Variants in ATM observed in about 807,000 individuals in gnomAD.
ATM encodes serine-protein kinase ATM.
A neutral mutation model predicts 387.0 loss-of-function variants in ATM; 308 were observed. The observed-to-expected ratio is 0.80, with a 90% confidence interval of 0.73 to 0.87. The LOEUF (loss-of-function observed/expected upper bound fraction) is 0.87, where lower values mean the gene tolerates loss of function less well. ATM is among the 40% of genes least tolerant of loss of function. The pLI, the probability that ATM is intolerant of heterozygous loss-of-function variation, is 0.00. For synonymous variants in ATM, 1,156 were observed against 1,187.3 expected (o/e 0.97, Z 0.54); for missense variants, 3,312 against 3,560.9 (o/e 0.93, Z 1.78).
At position 108,284,312 on chromosome 11, in the gene ATM, G is replaced by A. The variant is rs730881365; in HGVS notation, c.3832G>A (p.Asp1278Asn). Residue 1278 changes from aspartate (D) to asparagine (N), a missense_variant, in exon 26 of 63, where the codon GAC (aspartate) becomes AAC (asparagine). Asp to Asn is a conservative substitution (Grantham distance 23, BLOSUM62 1). This residue lies in a region of ATM where 1,791 missense variants were observed against 1,804.5 expected (regional missense o/e 0.99). Coordinates refer to ENST00000675843, the MANE Select transcript of ATM (RefSeq NM_000051.4). ...GTCCATTGCTAATCAGATTCAAGAG[G>A]ACTGGAAAAGTCTTCTAACAGACTG... ...VKSIANQIQE[D>N]WKSLLTDCFP... 7 of 1,613,790 alleles carry A rather than the reference G, an allele frequency of 4.3e-6. No individual in the cohort carries two copies. Among genetic ancestry groups the A allele is most frequent in the African/African-American group, 1.3e-5 (1 of 74,908 alleles).
At chr11:108,310,472 A>G (rs983329024) in intron 39 of ATM, among the ~76,000 whole-genome samples, 157 bp downstream of exon 39, 3 of 152,196 alleles carry the variant, frequency 2.0e-5, no homozygotes, top group Non-Finnish European at 2.9e-5. Flanking sequence ...ATTTTTAAAA[A>G]GGAATATGTA....
At chr11:108,308,108 ATATT>A in intron 38 of ATM, 124 bp downstream of exon 38, 1 of 926,870 alleles carries the variant, frequency 1.1e-6, no homozygotes, top group Non-Finnish European at 1.7e-6. Context: ...AATTTGTGTG[ATATT>A]TATATCTCCT....
At chr11:108,300,620 G>T (rs544307559) in intron 34 of ATM, among the ~76,000 whole-genome samples, 89 of 152,034 alleles carry the variant, frequency 5.9e-4, no homozygotes, top group Non-Finnish European at 1.2e-3. Context: ...ATGTCTAACT[G>T]CCATGTTTCC....
At chr11:108,284,103 A>C in intron 25 of ATM, 124 bp from the exon 26 acceptor site, 1 of 711,674 alleles carries the variant, frequency 1.4e-6, no homozygotes, top group Non-Finnish European at 2.2e-6. Context: ...AGAATGTTTA[A>C]TAATCTGGAT....
intron 57 of ATM, among the ~76,000 whole-genome samples, chr11:108,344,344 G>A (rs1301467398): frequency 6.6e-6 from 1 of 152,090 alleles, no homozygotes; most frequent in Non-Finnish European, 1.5e-5. Context: ...CAGGCAGAAG[G>A]AGCATATAAG....
rs1060504269 is a variant in ATM, at chr11:108,251,969, C to G, written c.1740C>G (p.Leu580=). 1 of 1,613,794 alleles carries G rather than the reference C, an allele frequency of 6.2e-7. No homozygotes were observed. The highest frequency in any genetic ancestry group is 1.1e-5 in the South Asian group (1 of 91,072). Residue 580 remains leucine (L), a synonymous_variant, in exon 11 of 63, where the codon CTC becomes CTG. Coordinates refer to ENST00000675843, the MANE Select transcript of ATM (RefSeq NM_000051.4). ...FSLKESIMKW[L]LFYQLEGDLE... is the part of the protein sequence containing the mutation. Reference sequence around the variant, plus strand: ...TAAAGGAATCAATAATGAAATGGCTCTTATTCTATCAGTTAGAGGGTGACT... The same window carrying G: ...TAAAGGAATCAATAATGAAATGGCTGTTATTCTATCAGTTAGAGGGTGACT...
chr11:108,289,016 G>C lies in ATM; in HGVS notation c.4149G>C (p.Ser1383=). 1 of 1,613,286 alleles carries C rather than the reference G, an allele frequency of 6.2e-7. No homozygotes were observed. The highest frequency in any genetic ancestry group is 1.1e-5 in the South Asian group (1 of 91,062). ...DPAPNPPHFP[S]HVIKATFAYI... ...CTCCTAATCCACCTCATTTTCCATCGCATGTGATTAAAGCAACATTTGCCT... is the reference window on the plus strand; with the variant it reads ...CTCCTAATCCACCTCATTTTCCATCCCATGTGATTAAAGCAACATTTGCCT... The change falls in exon 28 of 63, where the codon TCG becomes TCC. Residue 1383 remains serine, a synonymous_variant. Coordinates refer to ENST00000675843, the MANE Select transcript of ATM (RefSeq NM_000051.4).
Position 108,311,472 on chromosome 11 carries a change from G to A in ATM, c.5919-939G>A, listed in dbSNP as rs572707053. 1.5e-4 allele frequency among the ~76,000 whole-genome samples: 23 copies of A among 152,244 alleles called. No homozygotes were observed. The East Asian group carries it at 4.1e-3, about 27-fold the overall frequency. On this transcript the variant is annotated intron_variant, in intron 39 of 62. Coordinates refer to ENST00000675843, the MANE Select transcript of ATM (RefSeq NM_000051.4). ...GCACTTTGGGAGGCCAAAGTGAGAG[G>A]ATTACTTGTGACCAGGAGACTGAGA... is the stretch of plus-strand genomic sequence containing the variant.
chr11:108,330,196 T>G lies in ATM; in HGVS notation c.7308-18T>G, dbSNP rs1473587970. 3 of 1,610,194 alleles carry G rather than the reference T, an allele frequency of 1.9e-6. No homozygotes were observed. The highest frequency in any genetic ancestry group is 1.7e-4 in the Middle Eastern group (1 of 6,058). On this transcript the variant is annotated intron_variant, in intron 49 of 62. Coordinates refer to ENST00000675843, the MANE Select transcript of ATM (RefSeq NM_000051.4). ...AAGTTCATGGCTTTTGTGTTTTACC[T>G]TAATTATTCTATGCAAGATACACAG... is the stretch of plus-strand genomic sequence containing the variant.
rs864622475 is a variant in ATM, at chr11:108,244,119, GTAATC to G, written c.662+8_662+12del. 6.8e-6 allele frequency: 11 copies of G among 1,613,404 alleles called. No individual in the cohort carries two copies. Among genetic ancestry groups the G allele is most frequent in the Admixed American group, 1.7e-5 (1 of 59,952 alleles). Reference sequence around the variant, plus strand: ...TTTCCAAGGCTATTCAGTGTGCGAGGTAATCTAATCTCTTTTTCTTTTGTTTTGTA... The same window carrying G: ...TTTCCAAGGCTATTCAGTGTGCGAGGTAATCTCTTTTTCTTTTGTTTTGTA... On this transcript the variant is annotated splice_donor_variant and splice_donor_5th_base_variant and intron_variant, in intron 6 of 62. Coordinates refer to ENST00000675843, the MANE Select transcript of ATM (RefSeq NM_000051.4). LOFTEE classifies it high-confidence loss of function.
rs1057521029 is a variant in ATM, at chr11:108,365,165, T to G, written c.8934T>G (p.Thr2978=). The change falls in exon 62 of 63, where the codon ACT becomes ACG. Residue 2978 remains threonine (T), a synonymous_variant. Transcript: ENST00000675843. Reference sequence around the variant, plus strand: ...TACAGCAGAGGCCGGAAGATGAAACTGAGCTTCACCCTACTCTGAATGCAG... The same window carrying G: ...TACAGCAGAGGCCGGAAGATGAAACGGAGCTTCACCCTACTCTGAATGCAG... ...LYLQQRPEDE[T]ELHPTLNADD... is the part of the protein sequence containing the mutation. 9 of 1,614,256 alleles carry G rather than the reference T, an allele frequency of 5.6e-6. No homozygotes were observed. The highest frequency in any genetic ancestry group is 7.6e-6 in the Non-Finnish European group (9 of 1,180,040).
At chr11:108,223,624 G>T (rs534021623) in intron 1 of ATM, 1 of 152,230 alleles carries the variant, frequency 6.6e-6, no homozygotes, top group African/African-American at 2.4e-5. Context: ...GTCTTGTGAA[G>T]ATAAGTGAGA....
chr11:108,271,817 C>A (rs1313718229), intron 20 of ATM, among the ~76,000 whole-genome samples: 2 of 152,142 alleles, frequency 1.3e-5, no homozygotes, highest in Non-Finnish European at 2.9e-5. Context: ...TAATTTAGAA[C>A]CCTTGTACTA....
intron 22 of ATM, among the ~76,000 whole-genome samples, chr11:108,274,404 C>T (rs1000691297): frequency 3.3e-5 from 5 of 152,094 alleles, no homozygotes; most frequent in African/African-American, 1.2e-4. Context: ...TTCTTGTCTT[C>T]TGCTAGCTTT....
chr11:108,239,665 A>G (rs2079462915), intron 5 of ATM, among the ~76,000 whole-genome samples: 2 of 152,168 alleles, frequency 1.3e-5, no homozygotes, highest in Admixed American at 1.3e-4. Context: ...CAGAAGTAGA[A>G]TTGCTAGATC....
chr11:108,250,605 A>G (rs1261026516), intron 9 of ATM, 96 bp from the exon 10 acceptor site: 1 of 1,302,788 alleles, frequency 7.7e-7, no homozygotes, highest in East Asian at 2.3e-5. Context: ...TGATTCTCTA[A>G]TTAGGATATT....
chr11:108,294,308 C>G (rs1401253275), intron 31 of ATM, among the ~76,000 whole-genome samples: 1 of 152,036 alleles, frequency 6.6e-6, no homozygotes, highest in Non-Finnish European at 1.5e-5. Context: ...GTATTTGACT[C>G]TATGTAAATA....
At chr11:108,356,014 G>T (rs1272063416) in intron 61 of ATM, 1 of 152,198 alleles carries the variant, frequency 6.6e-6, no homozygotes, top group Non-Finnish European at 1.5e-5. Flanking sequence ...ATCCAAGGCT[G>T]TGCTATTCCC....
At chr11:108,255,565 A>G (rs1247714141) in intron 13 of ATM, among the ~76,000 whole-genome samples, 1 of 151,114 alleles carries the variant, frequency 6.6e-6, no homozygotes, top group Non-Finnish European at 1.5e-5. Context: ...AGCTGAGATT[A>G]TAGGTGCCTG....
Sources: allele counts gnomAD v4.1 joint callset (sites outside exome capture counted in the v4.1 genomes callset), GRCh38; gene constraint gnomAD v4.1.1; regional missense constraint gnomAD v4.1.1; transcripts MANE v1.5; gene names NCBI Gene and HGNC (gene_info 2026-07-23, HGNC 2026-07-21).